TMEM132D: variants seen among roughly 807,000 people sequenced by gnomAD.
The protein encoded by TMEM132D is transmembrane protein 132D.
Under a neutral mutation model 62.3 loss-of-function variants are expected in TMEM132D, and 21 were observed. The ratio of observed to expected loss-of-function variants is 0.34; its 90% confidence interval spans 0.24 to 0.49. The LOEUF (loss-of-function observed/expected upper bound fraction) is 0.49. Among genes scored for constraint, TMEM132D ranks in the 20% least tolerant of loss-of-function variants. The probability of loss-of-function intolerance (pLI) is 0.99; values close to 1 mark genes in which losing one functional copy is unlikely to be tolerated. For missense variants in TMEM132D, 1,346 were observed against 1,402.8 expected, an observed-to-expected ratio of 0.96 and a Z score of 0.65; for synonymous variants, 621 against 575.6, an observed-to-expected ratio of 1.08 and a Z score of -1.13.
intron 5 of TMEM132D, among the ~76,000 whole-genome samples, chr12:129,092,821 A>G (rs1183842379): frequency 6.6e-6 from 1 of 152,162 alleles, no homozygotes; most frequent in African/African-American, 2.4e-5. Context: ...CTCACAACAT[A>G]TCTATTAGAT....
In TMEM132D at chr12:129,452,214, C is replaced by G. The variant is rs141510992; in HGVS notation, c.1115+78845G>C. ...GATTTTGCCTGAGAAAAGGGCAGTG[C>G]GTAATAGCGCCTGTCTTGGAAAAAA... is the stretch of plus-strand genomic sequence containing the variant. On this transcript the variant is annotated intron_variant, in intron 3 of 8. Coordinates refer to ENST00000422113, the MANE Select transcript of TMEM132D (RefSeq NM_133448.3). Among the ~76,000 whole-genome samples, 976 of 152,250 alleles carry G rather than the reference C, an allele frequency of 6.4e-3. 15 individuals carry two copies. The highest frequency in any genetic ancestry group is 0.022 in the African/African-American group (927 of 41,542).
At chr12:129,602,229 C>A (rs1878500409) in intron 2 of TMEM132D, among the ~76,000 whole-genome samples, 1 of 152,150 alleles carries the variant, frequency 6.6e-6, no homozygotes, top group South Asian at 2.1e-4. Flanking sequence ...AGTATTATAT[C>A]CACACTATAG....
chr12:129,079,417 G>A (rs1331499445), intron 7 of TMEM132D, among the ~76,000 whole-genome samples: 1 of 152,176 alleles, frequency 6.6e-6, no homozygotes, highest in African/African-American at 2.4e-5. Flanking sequence ...GGAATGACCT[G>A]GAAAATGAGG....
At chr12:129,611,368 T>C (rs964244436) in intron 2 of TMEM132D, among the ~76,000 whole-genome samples, 1 of 152,230 alleles carries the variant, frequency 6.6e-6, no homozygotes, top group Non-Finnish European at 1.5e-5. Context: ...TTGGGAAGAA[T>C]TCCCTTATCT....
intron 3 of TMEM132D, among the ~76,000 whole-genome samples, chr12:129,396,489 C>T (rs1285647408): frequency 6.6e-6 from 1 of 152,216 alleles, no homozygotes; most frequent in Non-Finnish European, 1.5e-5. Flanking sequence ...GTGCTACTTC[C>T]TCTTTTCCTT....
At chr12:129,300,388 G>A (rs1389117200) in intron 4 of TMEM132D, among the ~76,000 whole-genome samples, 2 of 152,232 alleles carry the variant, frequency 1.3e-5, no homozygotes. Flanking sequence ...CAGGACTTGG[G>A]ATGAAGAAAT....
chr12:129,237,805 C>T (rs564538487), intron 4 of TMEM132D, among the ~76,000 whole-genome samples: 1 of 151,940 alleles, frequency 6.6e-6, no homozygotes, highest in Non-Finnish European at 1.5e-5. Flanking sequence ...ATGGTGAAAC[C>T]CTGTCTCTAC....
intron 2 of TMEM132D, among the ~76,000 whole-genome samples, chr12:129,580,155 G>T (rs1384535379): frequency 6.6e-6 from 1 of 152,186 alleles, no homozygotes; most frequent in Non-Finnish European, 1.5e-5. Context: ...TCCCCAGTTA[G>T]TCAAGGTTGT....
At chr12:129,143,241 TGGC>T (rs1876794320) in intron 5 of TMEM132D, among the ~76,000 whole-genome samples, 2 of 152,048 alleles carry the variant, frequency 1.3e-5, no homozygotes, top group Admixed American at 1.3e-4. Context: ...CTTGCTAGAG[TGGC>T]TCACAAAACT....
At chr12:129,409,808 C>T (rs774957685) in intron 3 of TMEM132D, among the ~76,000 whole-genome samples, 3 of 152,160 alleles carry the variant, frequency 2.0e-5, no homozygotes, top group Admixed American at 2.0e-4. Context: ...AGCGTAAATA[C>T]CTCTGATCTG....
intron 3 of TMEM132D, among the ~76,000 whole-genome samples, chr12:129,380,658 G>A (rs1381439883): frequency 1.3e-5 from 2 of 151,946 alleles, no homozygotes; most frequent in African/African-American, 4.8e-5. Context: ...GAGACACTTG[G>A]CAGTTCTATC....
chr12:129,332,676 T>C (rs139639099), intron 4 of TMEM132D, among the ~76,000 whole-genome samples: 86 of 152,310 alleles, frequency 5.6e-4, no homozygotes, highest in African/African-American at 1.8e-3. Context: ...ATTTCCATTA[T>C]GCAAAAGATA....
chr12:129,884,286 C>T (rs1874689296), intron 1 of TMEM132D, among the ~76,000 whole-genome samples: 2 of 152,148 alleles, frequency 1.3e-5, no homozygotes, highest in Admixed American at 1.3e-4. Context: ...AATAAAAAGT[C>T]TTCTCTGCAA....
intron 1 of TMEM132D, among the ~76,000 whole-genome samples, chr12:129,888,353 T>C (rs759296021): frequency 1.3e-5 from 2 of 152,146 alleles, no homozygotes; most frequent in Non-Finnish European, 2.9e-5. Context: ...AAGCCCTCTT[T>C]TTGGTTAAAT....
intron 5 of TMEM132D, among the ~76,000 whole-genome samples, chr12:129,102,627 T>A (rs917544917): frequency 6.6e-6 from 1 of 152,232 alleles, no homozygotes; most frequent in African/African-American, 2.4e-5. Context: ...AATGGACTGA[T>A]GTTTCTTCTG....
chr12:129,272,660 C>A (rs533741683), intron 4 of TMEM132D, among the ~76,000 whole-genome samples: 1 of 151,614 alleles, frequency 6.6e-6, no homozygotes, highest in African/African-American at 2.4e-5. Flanking sequence ...TTGTTTAAAT[C>A]CCTTATAGAT....
At chr12:129,591,700 C>T (rs1315471592) in intron 2 of TMEM132D, among the ~76,000 whole-genome samples, 4 of 151,780 alleles carry the variant, frequency 2.6e-5, no homozygotes, top group Admixed American at 2.6e-4. Flanking sequence ...AGAAACCTGA[C>T]CTCACGAAGC....
chr12:129,130,804 C>G (rs937120122), intron 5 of TMEM132D, among the ~76,000 whole-genome samples: 1 of 152,180 alleles, frequency 6.6e-6, no homozygotes, highest in African/African-American at 2.4e-5. Flanking sequence ...CAGAAATTAG[C>G]TGGAAAACAT....
chr12:129,624,691 C>G (rs1337462678), intron 2 of TMEM132D, among the ~76,000 whole-genome samples: 1 of 152,278 alleles, frequency 6.6e-6, no homozygotes, highest in Non-Finnish European at 1.5e-5. Flanking sequence ...GCCCCAGAAA[C>G]CAGACAGCAA....
Sources: allele counts gnomAD v4.1 joint callset (sites outside exome capture counted in the v4.1 genomes callset), GRCh38; gene constraint gnomAD v4.1.1; transcripts MANE v1.5; gene names NCBI Gene and HGNC (gene_info 2026-07-23, HGNC 2026-07-21).